The following DIAPH2 variants were observed in gnomAD, a reference collection of about 807,000 sequenced individuals.
The protein encoded by DIAPH2 is diaphanous related formin 2, also known as protein diaphanous homolog 2.
A neutral mutation model predicts 92.7 loss-of-function variants in DIAPH2; 35 were observed. The observed-to-expected ratio is 0.38, with a 90% CI of 0.29 to 0.50. The LOEUF is 0.50. DIAPH2 is among the 20% of genes least tolerant of loss of function. The pLI is 0.94. For synonymous variants in DIAPH2, 301 were observed against 280.4 expected, an observed-to-expected ratio of 1.07 and a Z score of -0.73; for missense variants, 701 against 819.5, an observed-to-expected ratio of 0.86 and a Z score of 1.77.
intron 23 of DIAPH2, among the ~76,000 whole-genome samples, chrX:97,309,791 CTCT>C (rs2068778683): frequency 8.9e-6 from 1 of 112,117 alleles, no homozygotes; most frequent in African/African-American, 3.2e-5. Context: ...AAAATTTTAT[CTCT>C]TCTTTGTGAA....
chrX:97,251,158 C>T (rs1261537115), intron 23 of DIAPH2, among the ~76,000 whole-genome samples: 1 of 111,525 alleles, frequency 9.0e-6, no homozygotes, highest in Non-Finnish European at 1.9e-5. Context: ...GGCTGACACC[C>T]TATAATACCA....
At chrX:97,424,233 T>G (rs906773539) in intron 25 of DIAPH2, among the ~76,000 whole-genome samples, 13 of 112,104 alleles carry the variant, frequency 1.2e-4, no homozygotes, top group African/African-American at 3.9e-4. Flanking sequence ...GAAGCCTACA[T>G]TTCTTTCCTT....
At chrX:96,742,944 A>C (rs190269924) in intron 3 of DIAPH2, among the ~76,000 whole-genome samples, 6 of 112,543 alleles carry the variant, frequency 5.3e-5, no homozygotes, top group Admixed American at 9.4e-5. Flanking sequence ...GATTACAGGC[A>C]TGAGCCACTG....
chrX:96,840,994 T>C (rs2064933304), intron 4 of DIAPH2, among the ~76,000 whole-genome samples: 1 of 111,832 alleles, frequency 8.9e-6, no homozygotes, highest in South Asian at 3.7e-4. Flanking sequence ...TGAATGATAG[T>C]TCTGTTGATG....
intron 23 of DIAPH2, among the ~76,000 whole-genome samples, chrX:97,328,197 G>T (rs2068967956): frequency 9.0e-6 from 1 of 111,523 alleles, no homozygotes; most frequent in African/African-American, 3.3e-5. Flanking sequence ...CACTTTGGGA[G>T]GCTGAGGCAG....
intron 4 of DIAPH2, among the ~76,000 whole-genome samples, chrX:96,831,435 C>T (rs757693781): frequency 1.8e-5 from 2 of 112,178 alleles, no homozygotes; most frequent in Non-Finnish European, 3.8e-5. Context: ...CTGCCATTTA[C>T]AGTCTGTTGG....
rs187652788 is a variant in DIAPH2, at chrX:96,884,368, G to A, written c.587+2650G>A. The stretch of plus-strand genomic sequence containing the variant: ...CATTTCTGCTGCTGATGGAGCGAGT[G>A]GAGGCAGTGACCAACTGTGTGAGAG... On this transcript the variant is annotated intron_variant, in intron 5 of 26. Transcript: ENST00000324765. 3.1e-5 allele frequency: 38 copies of A among 1,208,457 alleles called. No individual in the cohort carries two copies. The Admixed American group carries it at 6.8e-4, about 22-fold the overall frequency.
intron 24 of DIAPH2, among the ~76,000 whole-genome samples, chrX:97,380,130 C>T (rs1431305529): frequency 9.1e-6 from 1 of 110,206 alleles, no homozygotes; most frequent in Non-Finnish European, 1.9e-5. Context: ...GTGAATATTT[C>T]GTAGTAAATC....
intron 5 of DIAPH2, among the ~76,000 whole-genome samples, chrX:96,888,063 T>C (rs1178083939): frequency 6.5e-5 from 7 of 107,856 alleles, no homozygotes; most frequent in South Asian, 4.1e-4. Context: ...TGTTTCTCTC[T>C]CTCTTTTTTT....
chrX:97,550,690 C>G (rs909670716), intron 26 of DIAPH2, among the ~76,000 whole-genome samples: 2 of 112,269 alleles, frequency 1.8e-5, no homozygotes, highest in African/African-American at 6.5e-5. Context: ...CAAAAGACCT[C>G]CCAAATAACC....
At position 97,163,074 on chromosome X, in the gene DIAPH2, G is replaced by C. The variant is rs755149341; in HGVS notation, c.2719+21280G>C. On this transcript the variant is annotated intron_variant, in intron 22 of 26. Coordinates refer to ENST00000324765, the MANE Select transcript of DIAPH2 (RefSeq NM_006729.5). The stretch of plus-strand genomic sequence containing the variant: ...TTTCTTTGGAAGTTTCAGATGCTCT[G>C]GGTTGTAGAGGTACCATATGGGATG... Among the ~76,000 whole-genome samples, 5 of 111,316 alleles carry C rather than the reference G, an allele frequency of 4.5e-5. No homozygotes were observed. In the East Asian group the frequency reaches 1.4e-3, roughly 31 times the overall value.
At chrX:97,183,063 G>A (rs150843880) in intron 22 of DIAPH2, among the ~76,000 whole-genome samples, 490 of 111,775 alleles carry the variant, frequency 4.4e-3, no homozygotes, top group African/African-American at 0.015. Flanking sequence ...TATTTATGCC[G>A]AAGCAGTGTT....
intron 23 of DIAPH2, among the ~76,000 whole-genome samples, chrX:97,249,841 C>T (rs949450584): frequency 1.8e-5 from 2 of 111,797 alleles, no homozygotes; most frequent in Non-Finnish European, 3.8e-5. Context: ...TGACTCACGC[C>T]TGTAATCCCA....
intron 22 of DIAPH2, among the ~76,000 whole-genome samples, chrX:97,175,522 A>G (rs1244363809): frequency 8.9e-6 from 1 of 112,555 alleles, no homozygotes; most frequent in Non-Finnish European, 1.9e-5. Context: ...TTAGTAAAAT[A>G]TCTCAGCTGC....
At chrX:97,047,541 G>GTTTTTTTTTTTTTTTTTTT (rs2066492124) in intron 17 of DIAPH2, among the ~76,000 whole-genome samples, 1 of 62,372 alleles carries the variant, frequency 1.6e-5, no homozygotes, top group African/African-American at 8.2e-5. Flanking sequence ...GATAAAATAG[G>GTTTTTTTTTTTTTTTTTTT]CTTTTTTTTT....
intron 26 of DIAPH2, among the ~76,000 whole-genome samples, chrX:97,495,729 T>C (rs965066438): frequency 8.9e-6 from 1 of 111,946 alleles, no homozygotes; most frequent in Non-Finnish European, 1.9e-5. Context: ...TTTTGAAAAC[T>C]TGTTTTCAAA....
intron 4 of DIAPH2, among the ~76,000 whole-genome samples, chrX:96,855,046 CTAATT>C (rs1399129201): frequency 1.8e-5 from 2 of 110,568 alleles, no homozygotes; most frequent in Non-Finnish European, 3.8e-5. Flanking sequence ...AATTATGAAT[CTAATT>C]TGTGTTACAT....
intron 5 of DIAPH2, chrX:96,885,158 C>T: frequency 2.0e-6 from 2 of 1,012,024 alleles, no homozygotes; most frequent in Non-Finnish European, 2.7e-6. Context: ...GTAATTTTGA[C>T]CTGTTGACTT....
chrX:96,982,110 G>C (rs2147841078), intron 17 of DIAPH2, among the ~76,000 whole-genome samples: 1 of 111,313 alleles, frequency 9.0e-6, no homozygotes, highest in East Asian at 2.8e-4. Context: ...AAAATATATT[G>C]AGGTTACTAA....
Sources: allele counts gnomAD v4.1 joint callset (sites outside exome capture counted in the v4.1 genomes callset), GRCh38; gene constraint gnomAD v4.1.1; transcripts MANE v1.5; gene names NCBI Gene and HGNC (gene_info 2026-07-23, HGNC 2026-07-21).